Variants in PPP6R2 observed in about 807,000 individuals in gnomAD.
PPP6R2 encodes the protein protein phosphatase 6 regulatory subunit 2, also known as serine/threonine-protein phosphatase 6 regulatory subunit 2.
In PPP6R2, 62 loss-of-function variants were observed where a neutral mutation model predicts 100.2. The ratio of observed to expected loss-of-function variants is 0.62; its 90% CI spans 0.50 to 0.76. PPP6R2 has a LOEUF of 0.76. Among genes scored for constraint, PPP6R2 ranks in the 30% least tolerant of loss-of-function variants. The probability of loss-of-function intolerance (pLI) is 0.00; values close to 1 mark genes in which losing one functional copy is unlikely to be tolerated. For synonymous variants in PPP6R2, 525 were observed against 514.7 expected (o/e 1.02, Z -0.27); for missense variants, 1,142 against 1,276.3 (o/e 0.89, Z 1.60).
rs764273969 is a variant in PPP6R2 at position 50,439,791 on chromosome 22, C to A, written c.2219C>A (p.Ala740Glu). 3.7e-6 allele frequency: 6 copies of A among 1,613,870 alleles called. No homozygotes were observed. The highest frequency in any genetic ancestry group is 5.1e-6 in the Non-Finnish European group (6 of 1,179,966). ...VVRDVGSSVW[A>E]AGTSAPEEKG... is the part of the protein sequence containing the mutation. The stretch of plus-strand genomic sequence containing the variant: ...AGGGACGTGGGTTCCAGTGTGTGGG[C>A]AGCTGGCACCTCAGCTCCAGAGGAG... Residue 740 changes from alanine (A) to glutamate (E), a missense_variant, in exon 20 of 24, where the codon GCA becomes GAA. Ala to Glu is a moderately radical substitution (Grantham distance 107). Coordinates refer to ENST00000612753, the MANE Select transcript of PPP6R2 (RefSeq NM_001242898.2).
At chr22:50,414,331 G>GGCCCCCCCCCCCCCCCCCCCCC (rs2060189395) in intron 4 of PPP6R2, among the ~76,000 whole-genome samples, 2 of 26,776 alleles carry the variant, frequency 7.5e-5, no homozygotes, top group African/African-American at 1.7e-4. Flanking sequence ...CTGTGCAGTG[G>GGCCCCCCCCCCCCCCCCCCCCC]CCCCCCCCCC....
chr22:50,370,491 G>A (rs373017644), intron 1 of PPP6R2, among the ~76,000 whole-genome samples: 5 of 151,528 alleles, frequency 3.3e-5, no homozygotes, highest in Admixed American at 2.6e-4. Flanking sequence ...GTTTCACTAT[G>A]TTGGCCAGAC....
intron 2 of PPP6R2, among the ~76,000 whole-genome samples, chr22:50,379,848 G>A (rs1285156180): frequency 6.6e-6 from 1 of 152,156 alleles, no homozygotes; most frequent in Non-Finnish European, 1.5e-5. Context: ...ACTCCAGCCT[G>A]GGTGGCAGAC....
At chr22:50,432,035 T>C (rs2063238022) in intron 11 of PPP6R2, among the ~76,000 whole-genome samples, 1 of 152,062 alleles carries the variant, frequency 6.6e-6, no homozygotes, top group African/African-American at 2.4e-5. Context: ...GAGGGTCCTT[T>C]TCTCGGGCTT....
chr22:50,337,159 T>C, the PPP6R2 span, among the ~76,000 whole-genome samples: 146 of 148,590 alleles, frequency 9.8e-4, no homozygotes, highest in African/African-American at 3.5e-3. Context: ...AGTGTGTGTG[T>C]GCGATGTGTG....
chr22:50,341,862 G>C (rs547903428), upstream of PPP6R2, among the ~76,000 whole-genome samples: 29 of 152,268 alleles, frequency 1.9e-4, 1 homozygote, highest in South Asian at 5.0e-3. Flanking sequence ...GCGCGGTGGC[G>C]GGCGCCTGTA....
At position 50,443,956 on chromosome 22, in the gene PPP6R2, G is replaced by T. The variant is rs138213252; in HGVS notation, c.2670G>T (p.Glu890Asp). ...CCCCAGCCGTGGCTGTGCCCCCCGA[G>T]GCTACTGTGGCCATCACCACAGCAC... Reference protein sequence around the residue: ...TAAPAVAVPPEATVAITTALS... With the variant: ...TAAPAVAVPPDATVAITTALS... Residue 890 changes from glutamate to aspartate, a missense_variant, in exon 23 of 24, where the codon GAG becomes GAT. Around this residue, in one of 2 missense-constraint regions of PPP6R2, gnomAD observed 550 missense variants for 517.4 expected, o/e 1.06. Transcript: ENST00000612753. 3 of 1,611,470 alleles carry T rather than the reference G, an allele frequency of 1.9e-6. No individual in the cohort carries two copies. Among genetic ancestry groups the T allele is most frequent in the African/African-American group, 2.7e-5 (2 of 74,908 alleles).
intron 1 of PPP6R2, among the ~76,000 whole-genome samples, chr22:50,367,833 A>G (rs1401924697): frequency 6.6e-6 from 1 of 152,140 alleles, no homozygotes; most frequent in Non-Finnish European, 1.5e-5. Context: ...AGAAGAAAAG[A>G]CAGTTGGGCC....
At chr22:50,436,675 T>C (rs2064352084) in intron 14 of PPP6R2, among the ~76,000 whole-genome samples, 1 of 152,234 alleles carries the variant, frequency 6.6e-6, no homozygotes, top group South Asian at 2.1e-4. Context: ...TCTGAGGACC[T>C]CTGTGCAGAG....
At chr22:50,338,278 G>A in the PPP6R2 span, among the ~76,000 whole-genome samples, 1 of 141,678 alleles carries the variant, frequency 7.1e-6, no homozygotes, top group African/African-American at 2.7e-5. Context: ...TGAAGTGTGT[G>A]GTGTGTTTGT....
intron 2 of PPP6R2, chr22:50,391,784 A>T (rs2055620769): frequency 6.6e-6 from 1 of 150,512 alleles, no homozygotes; most frequent in Admixed American, 6.6e-5. Context: ...TTTTGGATTA[A>T]TCCAGTTGTT....
intron 3 of PPP6R2, among the ~76,000 whole-genome samples, chr22:50,397,056 G>A (rs2057042964): frequency 6.6e-6 from 1 of 152,184 alleles, no homozygotes; most frequent in Non-Finnish European, 1.5e-5. Flanking sequence ...GAATCCCAGA[G>A]TAGCATCAGT....
chr22:50,435,060 C>T lies in PPP6R2; in HGVS notation c.1495C>T (p.His499Tyr). 1 of 1,575,432 alleles carries T rather than the reference C, an allele frequency of 6.3e-7. No homozygotes were observed. The part of the protein sequence containing the change: ...QNLERGPVQT[H>Y]ISEVIRGLPA... ...CCTGGAGCGGGGCCCTGTGCAGACG[C>T]ACATCAGCGAGGTCATCCGAGGTGA... is the stretch of plus-strand genomic sequence containing the variant. The change falls in exon 13 of 24, where the codon CAC becomes TAC. Residue 499 changes from histidine (H) to tyrosine (Y), a missense_variant. Transcript: ENST00000612753.
intron 1 of PPP6R2, among the ~76,000 whole-genome samples, chr22:50,358,989 C>T (rs1018064076): frequency 3.1e-5 from 1 of 32,624 alleles, no homozygotes; most frequent in Non-Finnish European, 5.3e-5. Flanking sequence ...GTAAAAGAAC[C>T]GCCCCCCCCC....
At chr22:50,427,074 A>G (rs896112851) in intron 10 of PPP6R2, among the ~76,000 whole-genome samples, 1 of 151,486 alleles carries the variant, frequency 6.6e-6, no homozygotes, top group Non-Finnish European at 1.5e-5. Context: ...CTGTAGTCCC[A>G]GCTACTTGGG....
chr22:50,435,068 C>A lies in PPP6R2; in HGVS notation c.1503C>A (p.Ser501Arg). The change falls in exon 13 of 24, where the codon AGC (serine) becomes AGA (arginine). Residue 501 changes from serine to arginine, a missense_variant. Transcript: ENST00000612753. ...GGGGCCCTGTGCAGACGCACATCAG[C>A]GAGGTCATCCGAGGTGAGCCCCCAA... ...LERGPVQTHI[S>R]EVIRGLPADC... is the part of the protein sequence containing the mutation. The A allele has an allele frequency of 6.5e-7, 1 of 1,549,610 alleles. No individual in the cohort carries two copies.
At chr22:50,403,680 G>A (rs1461451715) in intron 3 of PPP6R2, among the ~76,000 whole-genome samples, 1 of 152,044 alleles carries the variant, frequency 6.6e-6, no homozygotes, top group Non-Finnish European at 1.5e-5. Context: ...ACTCCATCGG[G>A]CCCCAGCCAG....
chr22:50,404,089 ATTT>A lies in PPP6R2; in HGVS notation c.228-2583_228-2581del, dbSNP rs55771128. On this transcript the variant is annotated intron_variant, in intron 3 of 23. Transcript: ENST00000612753. Reference sequence around the variant, plus strand: ...GCAGGCACTGTCACCTGCACATTCTATTTTTTTTTTTTTTTTTTTCTGGAAACA... The same window carrying A: ...GCAGGCACTGTCACCTGCACATTCTATTTTTTTTTTTTTTTTCTGGAAACA... Among the ~76,000 whole-genome samples the A allele has an allele frequency of 1.5e-3, 174 of 116,386 alleles. 1 individual carries two copies. The East Asian group carries it at 0.016, about 10-fold the overall frequency. 76.4% of individuals were successfully genotyped at this position (116,386 alleles called of 152,430 possible). A position where few individuals can be genotyped will look rare whatever the true frequency, so the allele number is the denominator to read the frequency against.
chr22:50,340,312 GGGTGTGTGT>G (rs561106865), upstream of PPP6R2, among the ~76,000 whole-genome samples: 26 of 124,786 alleles, frequency 2.1e-4, no homozygotes, highest in African/African-American at 7.7e-4. Context: ...TGTGTGTCTC[GGGTGTGTGT>G]GGTGTGTGTA....
Sources: gnomAD v4.1 joint callset for allele counts (sites outside exome capture counted in the v4.1 genomes callset) on GRCh38, gnomAD v4.1.1 for gene constraint, gnomAD v4.1.1 regional missense constraint, MANE v1.5 for transcripts, NCBI Gene and HGNC (gene_info 2026-07-23, HGNC 2026-07-21) for gene names.